Variants in MZB1 observed in about 807,000 individuals in gnomAD.
MZB1 encodes the protein marginal zone B and B1 cell specific protein.
Under a neutral mutation model 17.2 loss-of-function variants are expected in MZB1, and 10 were observed. That is an observed-to-expected ratio of 0.58 (90% CI 0.36 to 0.98). The LOEUF is 0.98. Among genes scored for constraint, MZB1 ranks in the 50% least tolerant of loss-of-function variants. The pLI is 0.01. For missense variants in MZB1, 246 were observed against 237.5 expected (o/e 1.04, Z -0.23); for synonymous variants, 99 against 98.7 (o/e 1.00, Z -0.02).
chr5:139,388,603 TGGGAGGCAGG>T lies in MZB1; in HGVS notation c.178-28_178-19del. The T allele has an allele frequency of 6.2e-7, 1 of 1,602,588 alleles. No homozygotes were observed. Among genetic ancestry groups the T allele is most frequent in the Non-Finnish European group, 8.5e-7 (1 of 1,174,558 alleles). On this transcript the variant is annotated intron_variant, in intron 1 of 3. Coordinates refer to ENST00000302125, the MANE Select transcript of MZB1 (RefSeq NM_016459.4). ...TGCCACATCTGGAACAAGGAGGGAC[TGGGAGGCAGG>T]GCCTCAGGACTGCTGCTCAGTTAGG... is the stretch of plus-strand genomic sequence containing the variant.
intron 1 of MZB1, 24 bp downstream of exon 1, chr5:139,389,656 G>C: frequency 6.3e-7 from 1 of 1,579,096 alleles, no homozygotes; most frequent in South Asian, 1.2e-5. Context: ...GAGCAGGGCA[G>C]GGTGACAGTG....
intron 1 of MZB1, chr5:139,389,464 G>T: frequency 1.4e-6 from 1 of 715,622 alleles, no homozygotes; most frequent in Non-Finnish European, 2.5e-6. Context: ...ATTCCCTGGG[G>T]TCTCAAAATA....
chr5:139,388,855 T>C, intron 1 of MZB1: 1 of 356,110 alleles, frequency 2.8e-6, no homozygotes, highest in Non-Finnish European at 5.1e-6. Flanking sequence ...CAGTGGCAAG[T>C]GTCATTTTAT....
At chr5:139,388,188 G>A in intron 2 of MZB1, 57 bp from the exon 3 acceptor site, 2 of 1,458,944 alleles carry the variant, frequency 1.4e-6, no homozygotes, top group Non-Finnish European at 1.9e-6. Flanking sequence ...GCCAGGGAGA[G>A]ACCCATCTCC....
At chr5:139,388,339 G>T in intron 2 of MZB1, 122 bp downstream of exon 2, 1 of 1,212,348 alleles carries the variant, frequency 8.2e-7, no homozygotes. Flanking sequence ...ATCCCAGCCA[G>T]CCCCTCCCTT....
In MZB1 at chr5:139,388,528, G is replaced by GC. The variant is rs745808689; in HGVS notation, c.234dup (p.Arg79AlafsTer41). 5.4e-5 allele frequency: 87 copies of GC among 1,600,210 alleles called. No individual in the cohort carries two copies. Among genetic ancestry groups the GC allele is most frequent in the Non-Finnish European group, 6.4e-5 (75 of 1,173,464 alleles). On this transcript the variant is annotated frameshift_variant, in exon 2 of 4. Coordinates refer to ENST00000302125, the MANE Select transcript of MZB1 (RefSeq NM_016459.4). LOFTEE classifies it high-confidence loss of function. ...TAGACCAACTCGCTCAGCTCCCGCC[G>GC]CCCCCCAGAGTTTGAGGTATGAAGT... is the stretch of plus-strand genomic sequence containing the variant.
intron 1 of MZB1, chr5:139,389,344 T>C (rs1342276441): frequency 1.8e-5 from 10 of 545,164 alleles, no homozygotes; most frequent in Non-Finnish European, 3.5e-5. Flanking sequence ...CGCTCACACG[T>C]GTGCACTTGC....
rs1336489926 is a variant in MZB1, at chr5:139,389,908, G to A, written c.-52C>T. The A allele has an allele frequency of 1.3e-6, 2 of 1,510,274 alleles. No homozygotes were observed. Among genetic ancestry groups the A allele is most frequent in the Non-Finnish European group, 8.8e-7 (1 of 1,132,092 alleles). 93.6% of individuals were successfully genotyped at this position (1,510,274 alleles called of 1,614,324 possible). On this transcript the variant is annotated 5_prime_UTR_variant, in exon 1 of 4. Transcript: ENST00000302125. ...TAGTCTGTGGTTGAGGTGCAGATGT[G>A]TGTGTGCTTGTGTGGTGTGGGGACC...
Position 139,389,784 on chromosome 5 carries a change from C to A in MZB1, c.73G>T (p.Ala25Ser). ...WAIPGGLGDRAPLTATAPQLD... is the reference protein window; with the variant it reads ...WAIPGGLGDRSPLTATAPQLD... ...TGTGGGGCTGTGGCTGTGAGTGGCG[C>A]CCTGTCCCCGAGGCCCCCTGGGATG... Residue 25 changes from alanine to serine, a missense_variant, in exon 1 of 4, where the codon GCG (alanine) becomes TCG (serine). Coordinates refer to ENST00000302125, the MANE Select transcript of MZB1 (RefSeq NM_016459.4). 6.4e-7 allele frequency: 1 copy of A among 1,552,430 alleles called. No homozygotes were observed. Among genetic ancestry groups the A allele is most frequent in the East Asian group, 2.4e-5 (1 of 40,998 alleles).
At chr5:139,388,404 C>G in intron 2 of MZB1, 57 bp downstream of exon 2, 1 of 1,529,116 alleles carries the variant, frequency 6.5e-7, no homozygotes, top group African/African-American at 1.4e-5. Flanking sequence ...GTGGGAATCT[C>G]CACCCACCAG....
intron 1 of MZB1, chr5:139,389,379 C>T: frequency 3.3e-6 from 2 of 611,740 alleles, no homozygotes; most frequent in Non-Finnish European, 6.1e-6. Flanking sequence ...GCCAAAGCCG[C>T]CCCGTCAGGG....
intron 1 of MZB1, 167 bp from the exon 2 acceptor site, chr5:139,388,752 G>C: frequency 8.3e-7 from 1 of 1,202,860 alleles, no homozygotes; most frequent in South Asian, 1.7e-5. Context: ...AGCCCCCAAA[G>C]CTCTCTGGGA....
chr5:139,389,058 G>A (rs1758564785), intron 1 of MZB1: 4 of 212,840 alleles, frequency 1.9e-5, no homozygotes, highest in Non-Finnish European at 3.9e-5. Context: ...TTTCAGTAGT[G>A]ACGGGGTTTC....
At chr5:139,388,303 G>T (rs1758548475) in intron 2 of MZB1, among the ~76,000 whole-genome samples, 158 bp downstream of exon 2, 16 of 152,174 alleles carry the variant, frequency 1.1e-4, no homozygotes, top group Admixed American at 1.0e-3. Context: ...TCTCCCACTT[G>T]CTCTCAGCTC....
intron 3 of MZB1, 32 bp downstream of exon 3, chr5:139,387,989 G>A: frequency 1.3e-6 from 2 of 1,573,924 alleles, no homozygotes; most frequent in Non-Finnish European, 8.6e-7. Context: ...GGCTCCAGGA[G>A]CTTCATCCTA....
At chr5:139,389,269 C>G in intron 1 of MZB1, 1 of 370,992 alleles carries the variant, frequency 2.7e-6, no homozygotes, top group Non-Finnish European at 5.3e-6. Flanking sequence ...CACAGAGACA[C>G]TGGCACGCAG....
intron 1 of MZB1, 83 bp downstream of exon 1, chr5:139,389,597 G>A (rs1448500920): frequency 1.5e-5 from 22 of 1,461,282 alleles, no homozygotes; most frequent in Admixed American, 2.0e-5. Context: ...ATCAAAGGCC[G>A]GTGGTGGAAT....
At chr5:139,387,993 C>T (rs1177847092) in intron 3 of MZB1, 28 bp downstream of exon 3, 2 of 1,570,786 alleles carry the variant, frequency 1.3e-6, no homozygotes, top group South Asian at 2.3e-5. Context: ...CCAGGAGCTT[C>T]ATCCTATCCC....
chr5:139,387,978 A>G (rs767737063), intron 3 of MZB1, 43 bp downstream of exon 3: 61 of 1,573,598 alleles, frequency 3.9e-5, no homozygotes, highest in Non-Finnish European at 5.0e-5. Flanking sequence ...GGGCAAACCA[A>G]GGCTCCAGGA....
Sources: gnomAD v4.1 joint callset for allele counts (sites outside exome capture counted in the v4.1 genomes callset) on GRCh38, gnomAD v4.1.1 for gene constraint, MANE v1.5 for transcripts, NCBI Gene and HGNC (gene_info 2026-07-23, HGNC 2026-07-21) for gene names.